ABLIM1: variants seen among roughly 807,000 people sequenced by gnomAD.
The protein encoded by ABLIM1 is actin-binding LIM protein 1.
A neutral mutation model predicts 107.0 loss-of-function variants in ABLIM1; 40 were observed. That is an observed-to-expected ratio of 0.37 (90% CI 0.29 to 0.49). ABLIM1 has a LOEUF of 0.49. ABLIM1 is among the 20% of genes least tolerant of loss of function. The probability of loss-of-function intolerance (pLI) is 0.97; values close to 1 mark genes in which losing one functional copy is unlikely to be tolerated. For missense variants in ABLIM1, 857 were observed against 1,008.5 expected, an observed-to-expected ratio of 0.85 and a Z score of 2.04; for synonymous variants, 357 against 357.3, an observed-to-expected ratio of 1.00 and a Z score of 0.01.
intron 1 of ABLIM1, among the ~76,000 whole-genome samples, chr10:114,695,532 T>C (rs1469126850): frequency 6.6e-6 from 1 of 152,110 alleles, no homozygotes; most frequent in Non-Finnish European, 1.5e-5. Context: ...ATCAAAATAA[T>C]GTATCTGTGC....
chr10:114,525,447 G>A (rs1268381918), intron 6 of ABLIM1, among the ~76,000 whole-genome samples: 2 of 152,184 alleles, frequency 1.3e-5, no homozygotes, highest in African/African-American at 2.4e-5. Context: ...TTAGGCAACC[G>A]CCTCGAAAAC....
At chr10:114,731,621 C>T (rs1282137618) in intron 1 of ABLIM1, among the ~76,000 whole-genome samples, 4 of 151,216 alleles carry the variant, frequency 2.6e-5, no homozygotes, top group Non-Finnish European at 5.9e-5. Flanking sequence ...CTGCAACCTC[C>T]ACCTCCTAGG....
At chr10:114,596,989 G>A (rs1445656413) in intron 2 of ABLIM1, among the ~76,000 whole-genome samples, 1 of 152,114 alleles carries the variant, frequency 6.6e-6, no homozygotes, top group African/African-American at 2.4e-5. Context: ...TGCTGGACTC[G>A]AGGTCACAGT....
the ABLIM1 span, among the ~76,000 whole-genome samples, chr10:114,781,228 G>T: frequency 6.6e-6 from 1 of 152,126 alleles, no homozygotes; most frequent in Non-Finnish European, 1.5e-5. Context: ...AATGGGCCGG[G>T]TGCAGTGGCT....
intron 12 of ABLIM1, among the ~76,000 whole-genome samples, chr10:114,455,793 A>G (rs375880185): frequency 6.6e-6 from 1 of 151,256 alleles, no homozygotes; most frequent in African/African-American, 2.4e-5. Flanking sequence ...TAATATCAAC[A>G]GGTTACAGGA....
At chr10:114,548,282 A>G (rs1297983551) in intron 4 of ABLIM1, among the ~76,000 whole-genome samples, 2 of 152,186 alleles carry the variant, frequency 1.3e-5, no homozygotes, top group African/African-American at 4.8e-5. Flanking sequence ...CCAGCCTTTC[A>G]AAGATTTGTG....
chr10:114,614,288 C>T (rs2076992226), intron 1 of ABLIM1, among the ~76,000 whole-genome samples: 1 of 151,998 alleles, frequency 6.6e-6, no homozygotes, highest in African/African-American at 2.4e-5. Context: ...CCAGTCTCTA[C>T]TAAAAATACA....
intron 1 of ABLIM1, among the ~76,000 whole-genome samples, chr10:114,694,489 T>G (rs1338734432): frequency 2.0e-5 from 3 of 152,184 alleles, no homozygotes. Flanking sequence ...TTAAATAAAC[T>G]CTTAAAATAG....
chr10:114,704,822 T>C (rs1405916459), intron 1 of ABLIM1, among the ~76,000 whole-genome samples: 1 of 152,146 alleles, frequency 6.6e-6, no homozygotes. Context: ...TCATTGACTC[T>C]AATAAGGCGT....
chr10:114,651,644 G>C (rs531378764), intron 1 of ABLIM1, among the ~76,000 whole-genome samples: 29 of 152,194 alleles, frequency 1.9e-4, no homozygotes, highest in Non-Finnish European at 2.6e-4. Context: ...CTAATGGAAT[G>C]AGAAGCCTAG....
At chr10:114,506,491 C>T (rs191477300) in intron 6 of ABLIM1, among the ~76,000 whole-genome samples, 26 of 152,256 alleles carry the variant, frequency 1.7e-4, no homozygotes, top group Admixed American at 9.8e-4. Flanking sequence ...AGTGTATAAG[C>T]GTTCCCTTTT....
At chr10:114,472,741 T>C (rs2066841264) in intron 10 of ABLIM1, among the ~76,000 whole-genome samples, 1 of 142,804 alleles carries the variant, frequency 7.0e-6, no homozygotes. Flanking sequence ...ACAGCTTCCA[T>C]CCCAGCATGC....
the ABLIM1 span, among the ~76,000 whole-genome samples, chr10:114,798,470 A>C: frequency 7.2e-6 from 1 of 139,106 alleles, no homozygotes; most frequent in Admixed American, 7.1e-5. Flanking sequence ...AGTGGCTCAC[A>C]CCTGTAATCC....
intron 4 of ABLIM1, among the ~76,000 whole-genome samples, chr10:114,552,443 T>G (rs1260359400): frequency 7.0e-6 from 1 of 143,568 alleles, no homozygotes; most frequent in Non-Finnish European, 1.5e-5. Flanking sequence ...ATAAAACCCA[T>G]GAGGAACTTG....
intron 1 of ABLIM1, among the ~76,000 whole-genome samples, chr10:114,624,321 G>A (rs1210092467): frequency 2.0e-5 from 3 of 152,174 alleles, no homozygotes; most frequent in South Asian, 2.1e-4. Context: ...CTGTGAATGC[G>A]ATGGCAAAGA....
chr10:114,537,621 G>A (rs754307766), intron 6 of ABLIM1, among the ~76,000 whole-genome samples: 1 of 152,196 alleles, frequency 6.6e-6, no homozygotes. Flanking sequence ...CCAGCTTGCA[G>A]GCCTGTGGTG....
intron 1 of ABLIM1, among the ~76,000 whole-genome samples, chr10:114,732,792 A>T (rs1440264733): frequency 6.6e-6 from 1 of 152,238 alleles, no homozygotes; most frequent in Non-Finnish European, 1.5e-5. Context: ...AGTCACTGAA[A>T]AGGCCAACTA....
chr10:114,526,926 C>G, intron 6 of ABLIM1: 1 of 985,514 alleles, frequency 1.0e-6, no homozygotes, highest in African/African-American at 1.7e-5. Flanking sequence ...CTCCTCTCCT[C>G]GCTTTACTTA....
At chr10:114,548,505 G>C (rs1415596964) in intron 4 of ABLIM1, among the ~76,000 whole-genome samples, 2 of 152,208 alleles carry the variant, frequency 1.3e-5, no homozygotes, top group African/African-American at 4.8e-5. Context: ...TCTTAGGGAA[G>C]TGGGAATGTT....
Sources: gnomAD v4.1 joint callset for allele counts (sites outside exome capture counted in the v4.1 genomes callset) on GRCh38, gnomAD v4.1.1 for gene constraint, MANE v1.5 for transcripts, NCBI Gene and HGNC (gene_info 2026-07-23, HGNC 2026-07-21) for gene names.